TRAF2: variants seen among roughly 807,000 people sequenced by gnomAD.
TRAF2 encodes the protein TNF receptor-associated factor 2.
TRAF2 carries 6 observed loss-of-function variants against 55.6 expected under a neutral mutation model. The ratio of observed to expected loss-of-function variants is 0.11; its 90% CI spans 0.06 to 0.21. The LOEUF (loss-of-function observed/expected upper bound fraction) is 0.21, where lower values mean the gene tolerates loss of function less well. TRAF2 is among the 10% of genes least tolerant of loss of function. TRAF2 has a pLI of 1.00. For synonymous variants in TRAF2, 329 were observed against 276.3 expected (o/e 1.19, Z -1.89); for missense variants, 561 against 684.5 (o/e 0.82, Z 2.01).
At chr9:136,904,254 C>A (rs887106718) in intron 4 of TRAF2, among the ~76,000 whole-genome samples, 1 of 152,086 alleles carries the variant, frequency 6.6e-6, no homozygotes, top group Non-Finnish European at 1.5e-5. Flanking sequence ...CCTAGGCTAG[C>A]GTGTAGTGGT....
intron 7 of TRAF2, among the ~76,000 whole-genome samples, chr9:136,917,187 C>G (rs1850263384): frequency 6.6e-6 from 1 of 152,270 alleles, no homozygotes; most frequent in Admixed American, 6.5e-5. Context: ...GACCCCCGTT[C>G]TTTTCCGTTC....
upstream of TRAF2, chr9:136,882,800 G>A (rs1849389637): frequency 4.2e-6 from 4 of 952,976 alleles, no homozygotes; most frequent in African/African-American, 1.8e-5. Flanking sequence ...TGGGGAGGCC[G>A]CTTCCCAATC....
At chr9:136,912,152 CTTTTTTTTTTT>C (rs1180324647) in intron 6 of TRAF2, among the ~76,000 whole-genome samples, 18 of 58,298 alleles carry the variant, frequency 3.1e-4, no homozygotes, top group Non-Finnish European at 4.6e-4. Context: ...GCGTCTGGCC[CTTTTTTTTTTT>C]TTTTTTTTTT....
chr9:136,916,927 G>A (rs770516449), intron 7 of TRAF2, among the ~76,000 whole-genome samples: 3 of 152,082 alleles, frequency 2.0e-5, no homozygotes, highest in Non-Finnish European at 2.9e-5. Context: ...GTACCCGGCC[G>A]GCTCGCCACG....
intron 5 of TRAF2, 91 bp from the exon 6 acceptor site, chr9:136,909,829 C>T (rs540765698): frequency 1.5e-4 from 208 of 1,358,132 alleles, no homozygotes; most frequent in Admixed American, 2.4e-4. Context: ...TGCGGCCCCT[C>T]GGCGCTGCCC....
Position 136,920,508 on chromosome 9 carries a change from G to A in TRAF2, c.953G>A (p.Ser318Asn), listed in dbSNP as rs1850358776. 1 of 1,609,338 alleles carries A rather than the reference G, an allele frequency of 6.2e-7. No individual in the cohort carries two copies. Among genetic ancestry groups the A allele is most frequent in the South Asian group, 1.1e-5 (1 of 90,804 alleles). ...RLDQDKIEAL[S>N]SKVQQLERSI... ...GACCAAGACAAGATTGAAGCCCTGA[G>A]TAGCAAGGTTTGTGCCTGCCGGGTG... Residue 318 changes from serine to asparagine, a missense_variant, in exon 8 of 11, where the codon AGT (serine) becomes AAT (asparagine). Physicochemically the swap from Ser to Asn is conservative, Grantham distance 46. Transcript: ENST00000247668.
chr9:136,921,043 G>C lies in TRAF2; in HGVS notation c.966G>C (p.Gln322His), dbSNP rs898186200. 7.4e-6 allele frequency: 12 copies of C among 1,613,668 alleles called. No individual in the cohort carries two copies. The highest frequency in any genetic ancestry group is 1.1e-5 in the South Asian group (1 of 91,092). ...GTGGTCTTGGCACCCGGCAGGTGCA[G>C]CAGCTGGAGAGGAGCATTGGCCTCA... is the stretch of plus-strand genomic sequence containing the variant. ...DKIEALSSKV[Q>H]QLERSIGLKD... Residue 322 changes from glutamine to histidine, a missense_variant, in exon 9 of 11, where the codon CAG becomes CAC. Physicochemically the swap from Gln to His is conservative, Grantham distance 24. Transcript: ENST00000247668.
rs777070591 is a variant in TRAF2 at position 136,921,063 on chromosome 9, G to A, written c.986G>A (p.Gly329Asp). Residue 329 changes from glycine (G) to aspartate (D), a missense_variant, in exon 9 of 11, where the codon GGC (glycine) becomes GAC (aspartate). Physicochemically the swap from Gly to Asp is moderately conservative, Grantham distance 94 (BLOSUM62 -1). This residue lies in a region of TRAF2 where 426 missense variants were observed against 476.8 expected (regional missense o/e 0.89). Transcript: ENST00000247668. ...SKVQQLERSI[G>D]LKDLAMADLE... Reference sequence around the variant, plus strand: ...GTGCAGCAGCTGGAGAGGAGCATTGGCCTCAAGGACCTGGCGATGGCTGAC... The same window carrying A: ...GTGCAGCAGCTGGAGAGGAGCATTGACCTCAAGGACCTGGCGATGGCTGAC... 8 of 1,613,946 alleles carry A rather than the reference G, an allele frequency of 5.0e-6. No homozygotes were observed. Among genetic ancestry groups the A allele is most frequent in the Non-Finnish European group, 5.1e-6 (6 of 1,179,992 alleles).
At position 136,886,536 on chromosome 9, in the gene TRAF2, C is replaced by G; in HGVS notation, c.-34C>G. 1 of 985,906 alleles carries G rather than the reference C, an allele frequency of 1.0e-6. No individual in the cohort carries two copies. The highest frequency in any genetic ancestry group is 1.2e-6 in the Non-Finnish European group (1 of 830,846). 61.1% of individuals were successfully genotyped at this position (985,906 alleles called of 1,614,324 possible). A position where few individuals can be genotyped will look rare whatever the true frequency, so the allele number is the denominator to read the frequency against. ...CCCTTAGTTCCGGGCGCGCTGCGACCGTTGGGTGAGGCGAGCGCGGGGTCG... is the reference window on the plus strand; with the variant it reads ...CCCTTAGTTCCGGGCGCGCTGCGACGGTTGGGTGAGGCGAGCGCGGGGTCG... On this transcript the variant is annotated 5_prime_UTR_variant, in exon 1 of 11. Transcript: ENST00000247668.
intron 1 of TRAF2, 104 bp from the exon 2 acceptor site, chr9:136,898,609 G>A (rs191964384): frequency 1.4e-5 from 21 of 1,506,338 alleles, no homozygotes; most frequent in Non-Finnish European, 1.7e-5. Context: ...GGTCAGTGGG[G>A]ACCCGGCCCC....
intron 6 of TRAF2, among the ~76,000 whole-genome samples, chr9:136,913,809 C>T (rs1466003061): frequency 6.6e-6 from 1 of 152,116 alleles, no homozygotes; most frequent in South Asian, 2.1e-4. Context: ...CCCAGCCCCT[C>T]CTCTCCATCT....
Position 136,898,920 on chromosome 9 carries a change from C to T in TRAF2, c.180C>T (p.Ser60=). ...GHRYCSFCLA[S]ILSSGPQNCA... ...GGTACTGCTCCTTCTGCCTGGCCAG[C>T]ATCCTCAGGTGCATGGGGCCTGCAG... is the stretch of plus-strand genomic sequence containing the variant. The change falls in exon 2 of 11, where the codon AGC becomes AGT. Residue 60 remains serine (S), a synonymous_variant. Coordinates refer to ENST00000247668, the MANE Select transcript of TRAF2 (RefSeq NM_021138.4). The T allele has an allele frequency of 1.9e-6, 3 of 1,606,750 alleles. No individual in the cohort carries two copies. The highest frequency in any genetic ancestry group is 2.5e-6 in the Non-Finnish European group (3 of 1,177,444).
In TRAF2 at chr9:136,920,418, T is replaced by C; in HGVS notation, c.863T>C (p.Val288Ala). 6.2e-7 allele frequency: 1 copy of C among 1,614,064 alleles called. No individual in the cohort carries two copies. The highest frequency in any genetic ancestry group is 8.5e-7 in the Non-Finnish European group (1 of 1,180,018). ...GCCACTTTTGAGAACATTGTCTGCG[T>C]CCTGAACCGGGAGGTGGAGAGGGTG... ...KTATFENIVC[V>A]LNREVERVAM... The change falls in exon 8 of 11, where the codon GTC (valine) becomes GCC (alanine). Residue 288 changes from valine (V) to alanine (A), a missense_variant. Transcript: ENST00000247668.
intron 4 of TRAF2, among the ~76,000 whole-genome samples, chr9:136,906,521 T>C (rs1849956892): frequency 6.6e-6 from 1 of 151,950 alleles, no homozygotes; most frequent in Non-Finnish European, 1.5e-5. Context: ...CACCCCATGA[T>C]TCAATGACCT....
chr9:136,925,639 C>T (rs753297432), intron 10 of TRAF2, 44 bp from the exon 11 acceptor site: 72 of 1,591,436 alleles, frequency 4.5e-5, no homozygotes, highest in South Asian at 1.9e-4. Context: ...CAGAGAGAGA[C>T]GGCCCACAGA....
At chr9:136,900,159 A>AC (rs1169558017) in intron 3 of TRAF2, among the ~76,000 whole-genome samples, 6 of 136,268 alleles carry the variant, frequency 4.4e-5, no homozygotes, top group African/African-American at 1.2e-4. Flanking sequence ...ACAAAGTGAG[A>AC]CCCCTCCTTT....
intron 4 of TRAF2, among the ~76,000 whole-genome samples, chr9:136,903,933 C>T (rs1003586315): frequency 3.3e-5 from 5 of 152,292 alleles, no homozygotes; most frequent in Middle Eastern, 6.8e-3. Flanking sequence ...CCGCCTGCCT[C>T]GGCCTCCCAA....
chr9:136,922,105 C>G (rs1264078823), intron 9 of TRAF2, among the ~76,000 whole-genome samples: 1 of 152,206 alleles, frequency 6.6e-6, no homozygotes, highest in African/African-American at 2.4e-5. Flanking sequence ...GCACTGGGGG[C>G]CATGGCAGTC....
intron 5 of TRAF2, 46 bp downstream of exon 5, chr9:136,908,277 G>A: frequency 6.6e-7 from 1 of 1,510,144 alleles, no homozygotes; most frequent in Non-Finnish European, 8.8e-7. Flanking sequence ...GCCATGCGGG[G>A]CTGAGCTGGG....
Sources: gnomAD v4.1 joint callset for allele counts (sites outside exome capture counted in the v4.1 genomes callset) on GRCh38, gnomAD v4.1.1 for gene constraint, gnomAD v4.1.1 regional missense constraint, MANE v1.5 for transcripts, NCBI Gene and HGNC (gene_info 2026-07-23, HGNC 2026-07-21) for gene names.